CA10: variants seen among roughly 807,000 people sequenced by gnomAD.
CA10 encodes the protein carbonic anhydrase 10 (inactive).
Under a neutral mutation model 44.2 loss-of-function variants are expected in CA10, and 14 were observed. The observed-to-expected ratio is 0.32, with a 90% CI of 0.21 to 0.50. The LOEUF (loss-of-function observed/expected upper bound fraction) is 0.50, where lower values mean the gene tolerates loss of function less well. CA10 is among the 20% of genes least tolerant of loss of function. CA10 has a pLI of 0.99. For missense variants in CA10, 350 were observed against 409.7 expected (o/e 0.85, Z 1.26); for synonymous variants, 159 against 141.6 (o/e 1.12, Z -0.87).
intron 3 of CA10, among the ~76,000 whole-genome samples, chr17:51,909,347 T>G (rs1174327213): frequency 1.3e-5 from 2 of 152,130 alleles, no homozygotes; most frequent in Non-Finnish European, 2.9e-5. Context: ...TAGTCACTAT[T>G]TATCTGAAGA....
intron 3 of CA10, among the ~76,000 whole-genome samples, chr17:51,870,341 A>C (rs1501265): frequency 0.29 from 44,640 of 152,110 alleles, 7,295 homozygotes; most frequent in African/African-American, 0.44. Context: ...GTCCACAAAT[A>C]ACCTGAGGGC....
rs1294402290 is a variant in CA10, at chr17:51,653,777, C to T, written c.466-41G>A. 3 of 1,208,502 alleles carry T rather than the reference C, an allele frequency of 2.5e-6. No individual in the cohort carries two copies. The African/African-American group carries it at 4.5e-5, about 18-fold the overall frequency. The allele number at this position is 1,208,502 out of a possible 1,614,324, so 74.9% of individuals were successfully genotyped here. On this transcript the variant is annotated intron_variant, in intron 4 of 8. Transcript: ENST00000451037. Reference sequence around the variant, plus strand: ...AACAAGAATCAGAACAATAATCCAACATTAAAAGGTATGAGGCATAGCACC... The same window carrying T: ...AACAAGAATCAGAACAATAATCCAATATTAAAAGGTATGAGGCATAGCACC...
intron 3 of CA10, among the ~76,000 whole-genome samples, chr17:51,899,622 G>T (rs946337153): frequency 1.3e-5 from 2 of 151,980 alleles, no homozygotes; most frequent in African/African-American, 2.4e-5. Context: ...CTGCCTCAAC[G>T]ATCTGTCTAA....
intron 2 of CA10, among the ~76,000 whole-genome samples, chr17:51,969,622 A>G (rs1567904340): frequency 6.6e-6 from 1 of 152,074 alleles, no homozygotes; most frequent in Admixed American, 6.6e-5. Context: ...CGTAAGAAAC[A>G]GCCCAGTTCT....
chr17:51,714,915 A>G (rs1916051256), intron 4 of CA10, among the ~76,000 whole-genome samples: 1 of 152,200 alleles, frequency 6.6e-6, no homozygotes, highest in African/African-American at 2.4e-5. Flanking sequence ...GAGCCTGGTA[A>G]CACAAGAGCC....
chr17:51,783,704 G>C (rs1447055844), intron 3 of CA10, among the ~76,000 whole-genome samples: 1 of 152,192 alleles, frequency 6.6e-6, no homozygotes, highest in Non-Finnish European at 1.5e-5. Context: ...TTAAAGGGGG[G>C]TCCTTTTCCT....
At chr17:51,832,912 G>C (rs536930514) in intron 3 of CA10, among the ~76,000 whole-genome samples, 1 of 152,154 alleles carries the variant, frequency 6.6e-6, no homozygotes, top group Non-Finnish European at 1.5e-5. Flanking sequence ...ATCACCTATA[G>C]AGGTGATCCA....
At chr17:51,802,082 C>A (rs1906954300) in intron 3 of CA10, among the ~76,000 whole-genome samples, 1 of 152,082 alleles carries the variant, frequency 6.6e-6, no homozygotes, top group African/African-American at 2.4e-5. Context: ...CTTGGCATAC[C>A]CTGTGAATGA....
At chr17:52,151,791 A>T (rs908338345) in intron 1 of CA10, among the ~76,000 whole-genome samples, 1 of 152,114 alleles carries the variant, frequency 6.6e-6, no homozygotes, top group Admixed American at 6.6e-5. Context: ...TACATTTTCT[A>T]TACCTCACAT....
intron 4 of CA10, among the ~76,000 whole-genome samples, chr17:51,679,578 T>A (rs1597981222): frequency 8.6e-6 from 1 of 115,886 alleles, no homozygotes; most frequent in Non-Finnish European, 1.8e-5. Context: ...TTTTTTTTTT[T>A]AAGACAGAGT....
At chr17:51,957,672 A>T (rs534333433) in intron 2 of CA10, among the ~76,000 whole-genome samples, 1 of 152,286 alleles carries the variant, frequency 6.6e-6, no homozygotes, top group South Asian at 2.1e-4. Context: ...ACCATGAAGT[A>T]AGAAAAATAA....
intron 4 of CA10, among the ~76,000 whole-genome samples, chr17:51,702,178 C>T (rs1347210860): frequency 6.6e-6 from 1 of 152,128 alleles, no homozygotes; most frequent in African/African-American, 2.4e-5. Context: ...TTGTGAGTTT[C>T]CTATTCTATT....
chr17:52,115,928 C>T (rs558648654), intron 1 of CA10, among the ~76,000 whole-genome samples: 36 of 152,288 alleles, frequency 2.4e-4, no homozygotes, highest in African/African-American at 8.4e-4. Context: ...TCTGTCTCTA[C>T]TAAAAATACA....
rs1912542935 is a variant in CA10, at chr17:51,630,932, T to C, written c.*652A>G. 1 of 152,706 alleles carries C rather than the reference T, an allele frequency of 6.5e-6. No individual in the cohort carries two copies. Among genetic ancestry groups the C allele is most frequent in the African/African-American group, 2.4e-5 (1 of 41,460 alleles). The allele number at this position is 152,706 out of a possible 1,614,324, so 9.5% of individuals were successfully genotyped here. A position where few individuals can be genotyped will look rare whatever the true frequency, so the allele number is the denominator to read the frequency against. On this transcript the variant is annotated 3_prime_UTR_variant, in exon 9 of 9. Coordinates refer to ENST00000451037, the MANE Select transcript of CA10 (RefSeq NM_020178.5). ...AATAATTCCATTTCCTTATAGTCTG[T>C]GGTGATATATATACAATGTGTAGCT...
intron 3 of CA10, among the ~76,000 whole-genome samples, chr17:51,764,701 C>T (rs923213260): frequency 2.6e-5 from 4 of 152,172 alleles, no homozygotes; most frequent in African/African-American, 9.7e-5. Context: ...TCTGCAGAAT[C>T]GACCCTGAGG....
At chr17:51,921,088 T>C (rs1401496867) in intron 3 of CA10, among the ~76,000 whole-genome samples, 1 of 152,182 alleles carries the variant, frequency 6.6e-6, no homozygotes, top group African/African-American at 2.4e-5. Flanking sequence ...TGTTTTCCTT[T>C]AGGAGGATTT....
chr17:51,769,231 T>G (rs1429239556), intron 3 of CA10, among the ~76,000 whole-genome samples: 1 of 152,038 alleles, frequency 6.6e-6, no homozygotes, highest in East Asian at 1.9e-4. Context: ...GTGGGAGAGC[T>G]GAAGGTGGAG....
At position 51,871,805 on chromosome 17, in the gene CA10, T is replaced by G. The variant is rs147654597; in HGVS notation, c.279+59185A>C. Among the ~76,000 whole-genome samples, 432 of 152,264 alleles carry G rather than the reference T, an allele frequency of 2.8e-3. 1 individual carries two copies. The highest frequency in any genetic ancestry group is 9.9e-3 in the African/African-American group (413 of 41,546). ...ATGTGTATGCGACAGCCCTTTTCTA[T>G]GTACCAGAGGGTCAGAACCACAGAC... On this transcript the variant is annotated intron_variant, in intron 3 of 8. Coordinates refer to ENST00000451037, the MANE Select transcript of CA10 (RefSeq NM_020178.5).
chr17:52,151,153 C>A (rs1230669325), intron 1 of CA10, among the ~76,000 whole-genome samples: 1 of 152,094 alleles, frequency 6.6e-6, no homozygotes. Context: ...CATTAGCTAG[C>A]TCCTCATAAA....
Sources: gnomAD v4.1 joint callset for allele counts (sites outside exome capture counted in the v4.1 genomes callset) on GRCh38, gnomAD v4.1.1 for gene constraint, MANE v1.5 for transcripts, NCBI Gene and HGNC (gene_info 2026-07-23, HGNC 2026-07-21) for gene names.